SSR4: variants seen among roughly 807,000 people sequenced by gnomAD.
SSR4 encodes translocon-associated protein subunit delta.
For missense variants in SSR4, 125 were observed against 148.8 expected (o/e 0.84, Z 0.83); for synonymous variants, 84 against 65.6 (o/e 1.28, Z -1.35).
At chrX:153,796,033 C>T (rs868987540) in intron 1 of SSR4, 5 of 192,736 alleles carry the variant, frequency 2.6e-5, no homozygotes, top group East Asian at 1.8e-4. Flanking sequence ...CCCCCACCCC[C>T]GATGTCTCTG....
At chrX:153,794,930 C>T (rs2092130251) in intron 1 of SSR4, 176 bp downstream of exon 1, 2 of 540,003 alleles carry the variant, frequency 3.7e-6, no homozygotes, top group African/African-American at 2.3e-5. Context: ...CGCACGTTTA[C>T]CGGCAGCCAG....
chrX:153,794,313 AC>A, upstream of SSR4: 1 of 1,196,549 alleles, frequency 8.4e-7, no homozygotes, highest in Non-Finnish European at 1.1e-6. Flanking sequence ...GACGGTCGCT[AC>A]CTTCAGCGCC....
At chrX:153,794,388 CG>C, upstream of SSR4, 1 of 1,154,571 alleles carries the variant, frequency 8.7e-7, no homozygotes, top group Non-Finnish European at 1.2e-6. Context: ...GAGAGTTCGA[CG>C]GGGTGCGAAG....
At chrX:153,797,630 G>T (rs1440706695) in intron 3 of SSR4, 95 bp from the exon 4 acceptor site, 2 of 1,106,911 alleles carry the variant, frequency 1.8e-6, no homozygotes, top group African/African-American at 3.6e-5. Context: ...GGGGCCGTGG[G>T]CTCTGGCTGC....
At position 153,797,730 on chromosome X, in the gene SSR4, C is replaced by A. The variant is rs781898220; in HGVS notation, c.267C>A (p.Ser89=). ...RGQDVGRYQV[S]WSLDHKSAHA... ...CTGCTCAACACCCAACCCAGGTGTC[C>A]TGGAGCCTGGACCACAAGAGCGCCC... Residue 89 remains serine, a synonymous_variant, in exon 4 of 6, where the codon TCC becomes TCA. Coordinates refer to ENST00000370086, the MANE Select transcript of SSR4 (RefSeq NM_006280.3). 8 of 1,210,355 alleles carry A rather than the reference C, an allele frequency of 6.6e-6. No homozygotes were observed. The South Asian group carries it at 1.2e-4, about 19-fold the overall frequency.
chrX:153,798,488 G>T lies in SSR4; in HGVS notation c.*55G>T. Reference sequence around the variant, plus strand: ...CTTCAATAAACATCACAGGACCTGGGACTGCACAGGACCTGGGGCTGCTGG... The same window carrying T: ...CTTCAATAAACATCACAGGACCTGGTACTGCACAGGACCTGGGGCTGCTGG... On this transcript the variant is annotated 3_prime_UTR_variant, in exon 6 of 6. Coordinates refer to ENST00000370086, the MANE Select transcript of SSR4 (RefSeq NM_006280.3). 4.8e-6 allele frequency: 5 copies of T among 1,047,225 alleles called. No homozygotes were observed. Among genetic ancestry groups the T allele is most frequent in the Non-Finnish European group, 6.5e-6 (5 of 773,235 alleles). The allele number at this position is 1,047,225 out of a possible 1,213,427, so 86.3% of individuals were successfully genotyped here.
intron 1 of SSR4, 111 bp downstream of exon 1, chrX:153,794,865 C>G: frequency 2.1e-6 from 2 of 945,008 alleles, no homozygotes; most frequent in South Asian, 2.4e-5. Context: ...CGCTGCGGGC[C>G]GGGCCTTCCC....
intron 1 of SSR4, chrX:153,794,965 AGAG>A (rs1452927394): frequency 1.3e-5 from 6 of 453,584 alleles, no homozygotes; most frequent in Non-Finnish European, 2.2e-5. Flanking sequence ...GCCCATACGA[AGAG>A]GAGTCCCCGA....
At chrX:153,798,000 T>TGC in intron 4 of SSR4, 71 bp from the exon 5 acceptor site, 28 of 703,900 alleles carry the variant, frequency 4.0e-5, no homozygotes, top group Non-Finnish European at 6.3e-5. Flanking sequence ...TACCTGTCTT[T>TGC]CCCCTCCCCT....
chrX:153,797,580 G>A lies in SSR4; in HGVS notation c.261+48G>A, dbSNP rs200485131. ...GCTAGGGGGCTCCCTGCTCCCGGGT[G>A]TGACCTGAAGCCCCAGGGGTGGCCG... On this transcript the variant is annotated intron_variant, in intron 3 of 5. Coordinates refer to ENST00000370086, the MANE Select transcript of SSR4 (RefSeq NM_006280.3). 255 of 1,162,393 alleles carry A rather than the reference G, an allele frequency of 2.2e-4. No homozygotes were observed. The African/African-American group carries it at 4.1e-3, about 19-fold the overall frequency.
chrX:153,798,104 C>T lies in SSR4; in HGVS notation c.385C>T (p.Pro129Ser). ...QRNNEDISII[P>S]PLFTVSVDHR... ...GAATAACGAGGACATTTCCATCATC[C>T]CGCCTCTGTTTACAGTCAGCGTGGA... The change falls in exon 5 of 6, where the codon CCG (proline) becomes TCG (serine). Residue 129 changes from proline (P) to serine (S), a missense_variant. Pro to Ser is a moderately conservative substitution (Grantham distance 74). Coordinates refer to ENST00000370086, the MANE Select transcript of SSR4 (RefSeq NM_006280.3). 1 of 1,210,179 alleles carries T rather than the reference C, an allele frequency of 8.3e-7. No individual in the cohort carries two copies. The highest frequency in any genetic ancestry group is 1.1e-6 in the Non-Finnish European group (1 of 894,651).
At chrX:153,797,092 C>G (rs1396582871) in intron 2 of SSR4, 1 of 226,522 alleles carries the variant, frequency 4.4e-6, no homozygotes, top group East Asian at 8.9e-5. Context: ...TTGGGTATGG[C>G]CCTCTTAGGG....
chrX:153,796,507 C>A lies in SSR4; in HGVS notation c.141C>A (p.Thr47=), dbSNP rs183969617. 3 of 1,209,398 alleles carry A rather than the reference C, an allele frequency of 2.5e-6. No homozygotes were observed. Among genetic ancestry groups the A allele is most frequent in the East Asian group, 5.9e-5 (2 of 33,784 alleles). Reference sequence around the variant, plus strand: ...CTGACGCTGTCATTTCCACTGAGACCGTCTTCATTGTGGAGATCTCCCTGA... The same window carrying A: ...CTGACGCTGTCATTTCCACTGAGACAGTCTTCATTGTGGAGATCTCCCTGA... ...TTSDAVISTE[T]VFIVEISLTC... is the part of the protein sequence containing the mutation. The change falls in exon 2 of 6, where the codon ACC becomes ACA. Residue 47 remains threonine, a synonymous_variant. Coordinates refer to ENST00000370086, the MANE Select transcript of SSR4 (RefSeq NM_006280.3).
chrX:153,794,297 G>T, upstream of SSR4: 1 of 1,198,503 alleles, frequency 8.3e-7, no homozygotes, highest in African/African-American at 1.7e-5. Context: ...TCGCGGCGCT[G>T]CCGGCGACGG....
upstream of SSR4, chrX:153,794,426 C>G (rs377446201): frequency 3.7e-4 from 419 of 1,137,339 alleles, 1 homozygote; most frequent in South Asian, 7.4e-3. Flanking sequence ...GGACCCGGTA[C>G]TGCGCACGCG....
chrX:153,794,422 G>A, upstream of SSR4: 1 of 1,137,407 alleles, frequency 8.8e-7, no homozygotes, highest in Admixed American at 2.7e-5. Context: ...GCGCGGACCC[G>A]GTACTGCGCA....
chrX:153,796,068 C>T (rs916804886), intron 1 of SSR4: 12 of 190,345 alleles, frequency 6.3e-5, no homozygotes, highest in African/African-American at 3.0e-4. Flanking sequence ...AGTAACTCGT[C>T]CAGGCCGTTT....
rs782363775 is a variant in SSR4, at chrX:153,798,064, C to T, written c.352-7C>T. 1.7e-6 allele frequency: 2 copies of T among 1,209,928 alleles called. No homozygotes were observed. Among genetic ancestry groups the T allele is most frequent in the Non-Finnish European group, 2.2e-6 (2 of 894,612 alleles). ...ACCCCAGCACCTCCCTTGCACCTCC[C>T]TTGCAGGCTCAGAGGAATAACGAGG... On this transcript the variant is annotated splice_region_variant and splice_polypyrimidine_tract_variant and intron_variant, in intron 4 of 5. Coordinates refer to ENST00000370086, the MANE Select transcript of SSR4 (RefSeq NM_006280.3).
intron 2 of SSR4, chrX:153,797,191 C>T: frequency 2.5e-6 from 1 of 394,642 alleles, no homozygotes; most frequent in Non-Finnish European, 4.5e-6. Context: ...TTTTGATCAT[C>T]CCGCCCCTGC....
Sources: gnomAD v4.1 joint callset for allele counts on GRCh38, gnomAD v4.1.1 for gene constraint, MANE v1.5 for transcripts, NCBI Gene and HGNC (gene_info 2026-07-23, HGNC 2026-07-21) for gene names.